CTIF: variants seen among roughly 807,000 people sequenced by gnomAD.
CTIF encodes the protein CBP80/20-dependent translation initiation factor.
CTIF carries 21 observed loss-of-function variants against 66.0 expected under a neutral mutation model. That is an observed-to-expected ratio of 0.32 (90% CI 0.23 to 0.46). CTIF has a LOEUF of 0.46. Among genes scored for constraint, CTIF ranks in the 20% least tolerant of loss-of-function variants. The pLI is 1.00. For missense variants in CTIF, 739 were observed against 812.7 expected (o/e 0.91, Z 1.10); for synonymous variants, 345 against 326.4 (o/e 1.06, Z -0.62).
chr18:48,661,169 G>A (rs775238351), intron 3 of CTIF, among the ~76,000 whole-genome samples: 9 of 152,198 alleles, frequency 5.9e-5, no homozygotes, highest in African/African-American at 1.2e-4. Context: ...AGTCTACTTG[G>A]GGAAGGTCTA....
chr18:48,757,022 G>A (rs990764025), intron 7 of CTIF, among the ~76,000 whole-genome samples: 2 of 152,158 alleles, frequency 1.3e-5, no homozygotes, highest in African/African-American at 4.8e-5. Context: ...GAAGGTGTCG[G>A]TGGGGTTGGT....
rs78200486 is a variant in CTIF, at chr18:48,608,345, C to T, written c.-28-11193C>T. Among the ~76,000 whole-genome samples the T allele has an allele frequency of 9.5e-3, 1,444 of 152,292 alleles. 5 individuals carry two copies. The highest frequency in any genetic ancestry group is 0.02 in the East Asian group (106 of 5,186). On this transcript the variant is annotated intron_variant, in intron 1 of 11. Transcript: ENST00000256413. ...TATGTGAAATATTTTGATTTATAAA[C>T]GTTAGCTCAAATATTTTTAAAATAT...
intron 7 of CTIF, among the ~76,000 whole-genome samples, chr18:48,735,486 G>GGCACGTGGCAGGAA (rs781042793): frequency 6.6e-6 from 1 of 152,164 alleles, no homozygotes; most frequent in Non-Finnish European, 1.5e-5. Context: ...CCGGCGCACA[G>GGCACGTGGCAGGAA]GCACGTGGCA....
chr18:48,674,520 T>TG (rs1211718406), intron 6 of CTIF, among the ~76,000 whole-genome samples: 1 of 152,244 alleles, frequency 6.6e-6, no homozygotes, highest in Non-Finnish European at 1.5e-5. Flanking sequence ...ATGCCTCCAC[T>TG]GGGGGTCAGA....
In CTIF at chr18:48,567,067, A is replaced by G. The variant is rs942909136; in HGVS notation, c.-29+27755A>G. 4.6e-5 allele frequency: 7 copies of G among 152,168 alleles called. No homozygotes were observed. The East Asian group carries it at 9.6e-4, about 21-fold the overall frequency. The allele number at this position is 152,168 out of a possible 1,614,324, so 9.4% of individuals were successfully genotyped here. ...CAACTTATGTACCTGGCTTTTTTCT[A>G]GGAGTTGGGGATATAGCAGGTGAAC... On this transcript the variant is annotated intron_variant, in intron 1 of 11. Coordinates refer to ENST00000256413, the MANE Select transcript of CTIF (RefSeq NM_014772.3).
chr18:48,815,492 G>A (rs2068343537), intron 9 of CTIF, among the ~76,000 whole-genome samples: 1 of 152,230 alleles, frequency 6.6e-6, no homozygotes, highest in Admixed American at 6.5e-5. Context: ...AGCTGCTGCT[G>A]TTACTGTTTT....
chr18:48,755,099 A>G (rs572725019), intron 7 of CTIF, among the ~76,000 whole-genome samples: 7 of 152,194 alleles, frequency 4.6e-5, no homozygotes, highest in Non-Finnish European at 8.8e-5. Flanking sequence ...CTTTGGGGAC[A>G]TTTCTTGGGC....
intron 6 of CTIF, among the ~76,000 whole-genome samples, chr18:48,709,776 T>G (rs1020507560): frequency 6.6e-6 from 1 of 152,234 alleles, no homozygotes; most frequent in East Asian, 1.9e-4. Flanking sequence ...ACAAATAATA[T>G]CCTTTGAGAA....
chr18:48,857,446 C>T, intron 10 of CTIF, 142 bp from the exon 11 acceptor site: 1 of 647,316 alleles, frequency 1.5e-6, no homozygotes, highest in Non-Finnish European at 2.6e-6. Context: ...TGTGGGCTCT[C>T]ACTCTAGCCT....
At chr18:48,841,340 C>T (rs1487203189) in intron 10 of CTIF, among the ~76,000 whole-genome samples, 1 of 152,134 alleles carries the variant, frequency 6.6e-6, no homozygotes, top group Non-Finnish European at 1.5e-5. Context: ...GTGGCCTCTG[C>T]AGCCGGGCCC....
At chr18:48,705,807 C>T (rs773197405) in intron 6 of CTIF, among the ~76,000 whole-genome samples, 5 of 152,266 alleles carry the variant, frequency 3.3e-5, no homozygotes, top group African/African-American at 4.8e-5. Flanking sequence ...TAGAGCTCCA[C>T]TCAACTATCA....
At chr18:48,788,517 T>A (rs1179243618) in intron 9 of CTIF, among the ~76,000 whole-genome samples, 2 of 120,788 alleles carry the variant, frequency 1.7e-5, no homozygotes, top group South Asian at 2.4e-4. Flanking sequence ...TCTCCCTGTA[T>A]CCCAGGGCCA....
intron 9 of CTIF, among the ~76,000 whole-genome samples, chr18:48,785,107 C>A (rs573220130): frequency 7.2e-5 from 11 of 152,342 alleles, no homozygotes; most frequent in African/African-American, 2.6e-4. Flanking sequence ...CCTACCATCC[C>A]ATCTTCCTTC....
intron 9 of CTIF, among the ~76,000 whole-genome samples, chr18:48,768,584 G>A (rs1277212328): frequency 1.3e-5 from 2 of 152,158 alleles, no homozygotes; most frequent in South Asian, 2.1e-4. Flanking sequence ...TCCTAAATAG[G>A]GTGTAAGGCT....
intron 9 of CTIF, among the ~76,000 whole-genome samples, chr18:48,805,871 C>G (rs2068135885): frequency 6.6e-6 from 1 of 152,228 alleles, no homozygotes; most frequent in African/African-American, 2.4e-5. Context: ...TGACCACGTA[C>G]CGTGGGATAT....
At chr18:48,646,916 A>C (rs905212516) in intron 3 of CTIF, among the ~76,000 whole-genome samples, 2 of 151,034 alleles carry the variant, frequency 1.3e-5, no homozygotes, top group Middle Eastern at 3.2e-3. Context: ...AAAAAAAAAA[A>C]AAAAAAAAAC....
chr18:48,803,361 A>G (rs1366946315), intron 9 of CTIF, among the ~76,000 whole-genome samples: 1 of 152,214 alleles, frequency 6.6e-6, no homozygotes, highest in Non-Finnish European at 1.5e-5. Context: ...ATAATAGTTA[A>G]AGGATCGGCA....
At chr18:48,713,764 G>T (rs1240928994) in intron 7 of CTIF, among the ~76,000 whole-genome samples, 2 of 152,222 alleles carry the variant, frequency 1.3e-5, no homozygotes, top group Non-Finnish European at 1.5e-5. Context: ...TGTCCACAGG[G>T]ACCCAGACTA....
At chr18:48,832,270 C>G (rs2068709449) in intron 10 of CTIF, among the ~76,000 whole-genome samples, 1 of 151,404 alleles carries the variant, frequency 6.6e-6, no homozygotes. Flanking sequence ...CTCCCAGGCT[C>G]AAACAATCAT....
Sources: allele counts gnomAD v4.1 joint callset (sites outside exome capture counted in the v4.1 genomes callset), GRCh38; gene constraint gnomAD v4.1.1; transcripts MANE v1.5; gene names NCBI Gene and HGNC (gene_info 2026-07-23, HGNC 2026-07-21).